Variants in UACA observed in about 807,000 individuals in gnomAD.
UACA encodes the protein nuclear membrane binding protein.
In UACA, 112 loss-of-function variants were observed where a neutral mutation model predicts 160.5. That is an observed-to-expected ratio of 0.70 (90% CI 0.60 to 0.82). The LOEUF (loss-of-function observed/expected upper bound fraction) is 0.82. Among genes scored for constraint, UACA ranks in the 40% least tolerant of loss-of-function variants. UACA has a pLI of 0.00. For synonymous variants in UACA, 557 were observed against 568.4 expected, an observed-to-expected ratio of 0.98 and a Z score of 0.29; for missense variants, 1,574 against 1,614.6, an observed-to-expected ratio of 0.97 and a Z score of 0.43.
chr15:70,655,096 C>T lies in UACA; in HGVS notation c.*1960G>A, dbSNP rs894130356. 3 of 152,072 alleles carry T rather than the reference C, an allele frequency of 2.0e-5. No individual in the cohort carries two copies. The highest frequency in any genetic ancestry group is 7.2e-5 in the African/African-American group (3 of 41,396). The allele number at this position is 152,072 out of a possible 1,614,324, so 9.4% of individuals were successfully genotyped here. A position where few individuals can be genotyped will look rare whatever the true frequency, so the allele number is the denominator to read the frequency against. On this transcript the variant is annotated 3_prime_UTR_variant, in exon 19 of 19. Coordinates refer to ENST00000322954, the MANE Select transcript of UACA (RefSeq NM_018003.4). The stretch of plus-strand genomic sequence containing the variant: ...CTCGCAAATCTTTTACAAGGATGTT[C>T]AAAACAATATTCTAGAGAAAACTTT...
intron 1 of UACA, among the ~76,000 whole-genome samples, chr15:70,738,181 CA>C (rs1899425833): frequency 6.6e-6 from 1 of 152,026 alleles, no homozygotes; most frequent in Non-Finnish European, 1.5e-5. Flanking sequence ...TTATATTCAT[CA>C]GTAAAAATCA....
Position 70,763,537 on chromosome 15 carries a change from G to C in UACA, c.-130C>G, listed in dbSNP as rs989292566. 1 of 1,245,628 alleles carries C rather than the reference G, an allele frequency of 8.0e-7. No individual in the cohort carries two copies. The highest frequency in any genetic ancestry group is 1.0e-6 in the Non-Finnish European group (1 of 991,426). The allele number at this position is 1,245,628 out of a possible 1,614,324, so 77.2% of individuals were successfully genotyped here. On this transcript the variant is annotated 5_prime_UTR_variant, in exon 1 of 19. Coordinates refer to ENST00000322954, the MANE Select transcript of UACA (RefSeq NM_018003.4). ...AGCCCCACCTGCCTGCCACCTGCGG[G>C]CCCCGGGCAGCAGACGTCGACAGGC...
chr15:70,738,039 G>A (rs1899421952), intron 1 of UACA, among the ~76,000 whole-genome samples: 1 of 152,174 alleles, frequency 6.6e-6, no homozygotes, highest in Non-Finnish European at 1.5e-5. Flanking sequence ...TTGAGGGGAA[G>A]ATGAATTTTT....
chr15:70,695,901 G>A (rs1206496736), intron 2 of UACA, among the ~76,000 whole-genome samples: 1 of 152,186 alleles, frequency 6.6e-6, no homozygotes, highest in East Asian at 1.9e-4. Flanking sequence ...AATGAGAACT[G>A]ACATTCTGTA....
intron 1 of UACA, among the ~76,000 whole-genome samples, chr15:70,747,241 G>GTTTTTTT: frequency 8.4e-6 from 1 of 119,254 alleles, no homozygotes; most frequent in Admixed American, 8.5e-5. Context: ...TGTTTTTTGG[G>GTTTTTTT]TTTTTTTTTT....
At chr15:70,742,473 A>G (rs1456521690) in intron 1 of UACA, among the ~76,000 whole-genome samples, 1 of 152,190 alleles carries the variant, frequency 6.6e-6, no homozygotes, top group Non-Finnish European at 1.5e-5. Context: ...CACATCTAAC[A>G]CTTGACAGCA....
intron 9 of UACA, among the ~76,000 whole-genome samples, chr15:70,680,859 G>A (rs1296530725): frequency 1.3e-5 from 2 of 152,180 alleles, no homozygotes. Flanking sequence ...CACACGTCCT[G>A]CCTTCCGCCA....
chr15:70,691,274 C>A, intron 4 of UACA, 25 bp downstream of exon 4: 1 of 1,522,890 alleles, frequency 6.6e-7, no homozygotes, highest in Non-Finnish European at 8.9e-7. Context: ...AATAATAAAG[C>A]TAAAGTATTA....
chr15:70,717,638 T>A (rs1437757567), intron 1 of UACA, among the ~76,000 whole-genome samples: 2 of 152,210 alleles, frequency 1.3e-5, no homozygotes, highest in Admixed American at 1.3e-4. Flanking sequence ...GCATGCTGCC[T>A]TCTCATAAGA....
At chr15:70,714,758 T>C (rs1296450966) in intron 1 of UACA, among the ~76,000 whole-genome samples, 3 of 152,178 alleles carry the variant, frequency 2.0e-5, no homozygotes, top group Non-Finnish European at 4.4e-5. Context: ...TCTATTCTAG[T>C]CTGTTGTACA....
intron 15 of UACA, among the ~76,000 whole-genome samples, chr15:70,670,019 G>A (rs1056848630): frequency 4.6e-5 from 7 of 152,060 alleles, no homozygotes; most frequent in African/African-American, 1.4e-4. Context: ...AAAATACCAC[G>A]AAAAGAAACC....
At chr15:70,690,356 A>G (rs1897887100) in intron 5 of UACA, 98 bp downstream of exon 5, 1 of 1,076,702 alleles carries the variant, frequency 9.3e-7, no homozygotes, top group Non-Finnish European at 1.4e-6. Flanking sequence ...TTGTTTCTCC[A>G]TGAATTATAT....
intron 1 of UACA, 39 bp from the exon 2 acceptor site, chr15:70,699,699 C>A: frequency 6.3e-7 from 1 of 1,596,740 alleles, no homozygotes; most frequent in Non-Finnish European, 8.5e-7. Context: ...TGGCATACTA[C>A]ATTAGTTAAG....
In UACA at chr15:70,763,480, G is replaced by C. The variant is rs1160535789; in HGVS notation, c.-73C>G. ...GCCAGCGCGCAAGGAGTAGACGGCA[G>C]CGGCTGCAGCAGAGGCGGCGCGGGC... On this transcript the variant is annotated 5_prime_UTR_variant, in exon 1 of 19. Coordinates refer to ENST00000322954, the MANE Select transcript of UACA (RefSeq NM_018003.4). 18 of 1,262,178 alleles carry C rather than the reference G, an allele frequency of 1.4e-5. No homozygotes were observed. Among genetic ancestry groups the C allele is most frequent in the South Asian group, 3.3e-5 (1 of 30,586 alleles). The allele number at this position is 1,262,178 out of a possible 1,614,324, so 78.2% of individuals were successfully genotyped here. A position where few individuals can be genotyped will look rare whatever the true frequency, so the allele number is the denominator to read the frequency against.
intron 1 of UACA, among the ~76,000 whole-genome samples, chr15:70,713,306 C>G (rs1898739807): frequency 6.6e-6 from 1 of 152,094 alleles, no homozygotes; most frequent in African/African-American, 2.4e-5. Flanking sequence ...CGAGATCGCG[C>G]CACTGCACTC....
intron 1 of UACA, among the ~76,000 whole-genome samples, chr15:70,719,418 C>A (rs138440737): frequency 2.4e-4 from 37 of 152,310 alleles, no homozygotes; most frequent in African/African-American, 8.9e-4. Context: ...ATTCCCCCGA[C>A]AGGCAGACTA....
chr15:70,707,427 T>G (rs2140975762), intron 1 of UACA, among the ~76,000 whole-genome samples: 1 of 152,224 alleles, frequency 6.6e-6, no homozygotes, highest in East Asian at 1.9e-4. Context: ...AATAGATCAA[T>G]GAAACTATAT....
chr15:70,701,856 C>CT (rs576868096), intron 1 of UACA: 3 of 1,603,080 alleles, frequency 1.9e-6, no homozygotes, highest in Non-Finnish European at 2.6e-6. Flanking sequence ...TTTTGTTACA[C>CT]TAGACTACTG....
intron 1 of UACA, among the ~76,000 whole-genome samples, chr15:70,719,954 G>A (rs1898940889): frequency 6.6e-6 from 1 of 152,068 alleles, no homozygotes; most frequent in Admixed American, 6.5e-5. Flanking sequence ...GAGATACAGG[G>A]TGATATGGTT....
Sources: allele counts gnomAD v4.1 joint callset (sites outside exome capture counted in the v4.1 genomes callset), GRCh38; gene constraint gnomAD v4.1.1; transcripts MANE v1.5; gene names NCBI Gene and HGNC (gene_info 2026-07-23, HGNC 2026-07-21).